Variants in DPP4 observed in about 807,000 individuals in gnomAD.
DPP4 encodes ADCP-2.
DPP4 carries 93 observed loss-of-function variants against 122.4 expected under a neutral mutation model. That is an observed-to-expected ratio of 0.76 (90% CI 0.64 to 0.90). DPP4 has a LOEUF of 0.90. Among genes scored for constraint, DPP4 ranks in the 40% least tolerant of loss-of-function variants. The probability of loss-of-function intolerance (pLI) is 0.00; values close to 1 mark genes in which losing one functional copy is unlikely to be tolerated. For synonymous variants in DPP4, 321 were observed against 302.9 expected (o/e 1.06, Z -0.62); for missense variants, 914 against 907.3 (o/e 1.01, Z -0.09).
Position 162,009,224 on chromosome 2 carries a change from ATCAG to A in DPP4, c.1887+13_1887+16del, listed in dbSNP as rs772224932. On this transcript the variant is annotated intron_variant, in intron 21 of 25. Transcript: ENST00000360534. ...TTCACTAACGAATGCATACAGATTC[ATCAG>A]TCAACTACTCACCCAGCCCCAAATT... 8 of 1,612,530 alleles carry A rather than the reference ATCAG, an allele frequency of 5.0e-6. No homozygotes were observed. In the South Asian group the frequency reaches 7.7e-5, roughly 15 times the overall value.
At chr2:162,049,551 C>G (rs929408978) in intron 2 of DPP4, among the ~76,000 whole-genome samples, 1 of 151,974 alleles carries the variant, frequency 6.6e-6, no homozygotes, top group African/African-American at 2.4e-5. Context: ...AATACCAAGG[C>G]GATGGGTTGA....
At chr2:162,001,477 C>T (rs1349169842) in intron 23 of DPP4, among the ~76,000 whole-genome samples, 4 of 152,104 alleles carry the variant, frequency 2.6e-5, no homozygotes, top group Non-Finnish European at 5.9e-5. Flanking sequence ...TTGTCATATT[C>T]AAATTCATCT....
rs769294967 is a variant in DPP4 at position 162,022,786 on chromosome 2, A to G, written c.1037T>C (p.Ile346Thr). Residue 346 changes from isoleucine (I) to threonine (T), a missense_variant, in exon 12 of 26, where the codon ATT (isoleucine) becomes ACT (threonine). Physicochemically the swap from Ile to Thr is moderately conservative, Grantham distance 89. Transcript: ENST00000360534. Reference protein sequence around the residue: ...RWNCLVARQHIEMSTTGWVGR... With the variant: ...RWNCLVARQHTEMSTTGWVGR... ...AACCCAGCCAGTAGTACTCATTTCA[A>G]TGTGTTGCCGTGCCTAGGAAGGGAA... 1 of 1,614,072 alleles carries G rather than the reference A, an allele frequency of 6.2e-7. No individual in the cohort carries two copies. Among genetic ancestry groups the G allele is most frequent in the Admixed American group, 1.7e-5 (1 of 60,028 alleles).
rs879478330 is a variant in DPP4 at position 162,011,888 on chromosome 2, A to G, written c.1737T>C (p.Asp579=). ...STENIIVASF[D]GRGSGYQGDK... ...CTCCTTGGTAACCACTTCCTCTGCCATCAAAGCTAGCTACTATAATGTTTT... is the reference window on the plus strand; with the variant it reads ...CTCCTTGGTAACCACTTCCTCTGCCGTCAAAGCTAGCTACTATAATGTTTT... The change falls in exon 20 of 26, where the codon GAT becomes GAC. Residue 579 remains aspartate, a synonymous_variant. Coordinates refer to ENST00000360534, the MANE Select transcript of DPP4 (RefSeq NM_001935.4). The G allele has an allele frequency of 1.2e-6, 2 of 1,613,752 alleles. No homozygotes were observed. The highest frequency in any genetic ancestry group is 1.6e-4 in the Middle Eastern group (1 of 6,082).
At chr2:162,020,798 C>T in intron 12 of DPP4, 110 bp from the exon 13 acceptor site, 1 of 598,086 alleles carries the variant, frequency 1.7e-6, no homozygotes, top group Admixed American at 3.6e-5. Context: ...ATCCATGCTC[C>T]ATTTATATGC....
intron 22 of DPP4, among the ~76,000 whole-genome samples, chr2:162,008,072 G>A (rs191171960): frequency 6.6e-6 from 1 of 151,802 alleles, no homozygotes; most frequent in Admixed American, 6.6e-5. Context: ...ATACTCTCTC[G>A]ATGACAAAGA....
intron 10 of DPP4, among the ~76,000 whole-genome samples, chr2:162,026,878 G>A (rs1197131220): frequency 2.6e-5 from 4 of 152,262 alleles, no homozygotes; most frequent in South Asian, 4.2e-4. Flanking sequence ...TAGACCAGAC[G>A]TTGGAAAACT....
intron 5 of DPP4, among the ~76,000 whole-genome samples, chr2:162,040,039 C>T (rs1683933704): frequency 6.6e-6 from 1 of 151,854 alleles, no homozygotes. Context: ...TTTGCCAATA[C>T]ATTTTAAAAA....
Position 162,038,930 on chromosome 2 carries a change from A to G in DPP4, c.492+19T>C. On this transcript the variant is annotated intron_variant, in intron 7 of 25. Transcript: ENST00000360534. ...AATTTGAGCCTATATTTTTCTGACA[A>G]CTGGAGAGACTCACTAACCAATTTA... is the stretch of plus-strand genomic sequence containing the variant. The G allele has an allele frequency of 6.2e-7, 1 of 1,612,080 alleles. No homozygotes were observed.
chr2:162,026,987 A>G (rs1183357856), intron 10 of DPP4, among the ~76,000 whole-genome samples: 2 of 152,218 alleles, frequency 1.3e-5, no homozygotes, highest in Non-Finnish European at 2.9e-5. Context: ...GTAGCCAGAG[A>G]CCATAATTAA....
At chr2:162,064,984 C>T (rs1247836227) in intron 2 of DPP4, among the ~76,000 whole-genome samples, 1 of 152,200 alleles carries the variant, frequency 6.6e-6, no homozygotes, top group Non-Finnish European at 1.5e-5. Flanking sequence ...TAACCAAATA[C>T]ACGATATGCC....
intron 2 of DPP4, among the ~76,000 whole-genome samples, chr2:162,065,724 G>C (rs1375502829): frequency 6.6e-6 from 1 of 152,114 alleles, no homozygotes; most frequent in East Asian, 1.9e-4. Context: ...AATGCTTTAT[G>C]CTTGGTTGTT....
intron 2 of DPP4, among the ~76,000 whole-genome samples, chr2:162,054,871 G>A (rs1030560511): frequency 1.3e-5 from 2 of 152,044 alleles, no homozygotes; most frequent in Non-Finnish European, 2.9e-5. Context: ...TAGCCCATGG[G>A]GATTTTCAAT....
At chr2:162,007,158 T>C (rs1701302247) in intron 22 of DPP4, among the ~76,000 whole-genome samples, 1 of 152,078 alleles carries the variant, frequency 6.6e-6, no homozygotes, top group Non-Finnish European at 1.5e-5. Context: ...AAATAGAATA[T>C]TTTAAAAGAC....
intron 16 of DPP4, 36 bp downstream of exon 16, chr2:162,018,693 G>A: frequency 6.2e-7 from 1 of 1,605,188 alleles, no homozygotes; most frequent in Non-Finnish European, 8.5e-7. Context: ...GAGTAACAGC[G>A]GCGACTGCCC....
intron 2 of DPP4, among the ~76,000 whole-genome samples, chr2:162,051,320 C>T (rs971433609): frequency 5.3e-5 from 8 of 152,246 alleles, no homozygotes; most frequent in African/African-American, 1.4e-4. Context: ...TATAGTTCCA[C>T]GGGATATCCT....
At chr2:162,000,138 A>G (rs1302793654) in intron 23 of DPP4, among the ~76,000 whole-genome samples, 1 of 152,124 alleles carries the variant, frequency 6.6e-6, no homozygotes, top group East Asian at 1.9e-4. Flanking sequence ...GGTCTAACGG[A>G]CAGCAACCCA....
chr2:162,074,112 C>G lies in DPP4; in HGVS notation c.-131G>C. On this transcript the variant is annotated 5_prime_UTR_variant, in exon 1 of 26. Coordinates refer to ENST00000360534, the MANE Select transcript of DPP4 (RefSeq NM_001935.4). ...CACTCGCCGCTGGCAAGTTTCGGCC[C>G]CGAGTTAAACATTAGTGAGCGCCGA... 1.4e-6 allele frequency: 2 copies of G among 1,459,714 alleles called. No homozygotes were observed. The highest frequency in any genetic ancestry group is 1.8e-6 in the Non-Finnish European group (2 of 1,104,744). The allele number at this position is 1,459,714 out of a possible 1,614,324, so 90.4% of individuals were successfully genotyped here.
intron 2 of DPP4, among the ~76,000 whole-genome samples, chr2:162,067,413 C>T (rs1190446496): frequency 6.6e-6 from 1 of 152,144 alleles, no homozygotes; most frequent in Non-Finnish European, 1.5e-5. Context: ...CTCAGTTATA[C>T]ATCCTGAGCC....
Sources: gnomAD v4.1 joint callset for allele counts (sites outside exome capture counted in the v4.1 genomes callset) on GRCh38, gnomAD v4.1.1 for gene constraint, MANE v1.5 for transcripts, NCBI Gene and HGNC (gene_info 2026-07-23, HGNC 2026-07-21) for gene names.